SH3YL1: variants seen among roughly 807,000 people sequenced by gnomAD.
SH3YL1 encodes the protein SH3 and SYLF domain containing 1.
Under a neutral mutation model 45.8 loss-of-function variants are expected in SH3YL1, and 41 were observed. The ratio of observed to expected loss-of-function variants is 0.89; its 90% CI spans 0.70 to 1.16. SH3YL1 has a LOEUF of 1.16. Ranked by LOEUF, SH3YL1 falls within the 50% of genes most tolerant of loss-of-function variation. SH3YL1 has a pLI of 0.00. For synonymous variants in SH3YL1, 152 were observed against 151.4 expected (o/e 1.00, Z -0.03); for missense variants, 389 against 409.6 (o/e 0.95, Z 0.43).
chr2:224,011 T>C (rs577764081), intron 9 of SH3YL1, among the ~76,000 whole-genome samples: 10 of 152,370 alleles, frequency 6.6e-5, no homozygotes, highest in South Asian at 4.1e-4. Flanking sequence ...CTGCATGATA[T>C]AAATTTTTAA....
In SH3YL1 at chr2:234,044, T is replaced by C. The variant is rs369896468; in HGVS notation, c.404+116A>G. On this transcript the variant is annotated intron_variant, in intron 5 of 9. Coordinates refer to ENST00000356150, the MANE Select transcript of SH3YL1 (RefSeq NM_015677.4). ...GTGATGACCTCAAATCTTTCGGGCA[T>C]GTATAAATCTGGGGATGTACAAATC... is the stretch of plus-strand genomic sequence containing the variant. The C allele has an allele frequency of 1.5e-4, 110 of 730,982 alleles. No homozygotes were observed. The African/African-American group carries it at 1.8e-3, about 12-fold the overall frequency. 45.3% of individuals were successfully genotyped at this position (730,982 alleles called of 1,614,324 possible).
upstream of SH3YL1, chr2:264,097 C>G: frequency 2.3e-6 from 3 of 1,323,490 alleles, no homozygotes; most frequent in Middle Eastern, 2.8e-4. Flanking sequence ...CGGCAGGTGA[C>G]GAAGGAGGCG....
At chr2:263,562 ACCTCG>A (rs1328252255) in intron 1 of SH3YL1, 1 of 171,118 alleles carries the variant, frequency 5.8e-6, no homozygotes, top group African/African-American at 2.4e-5. Flanking sequence ...GCAAACTCGA[ACCTCG>A]CCGGCGCCCT....
At chr2:256,460 G>C (rs1669335718) in intron 1 of SH3YL1, 1 of 152,232 alleles carries the variant, frequency 6.6e-6, no homozygotes, top group African/African-American at 2.4e-5. Context: ...GGGAGGCCGA[G>C]GTGGGGGGAT....
At chr2:232,984 A>G (rs1668115561) in intron 6 of SH3YL1, 117 bp downstream of exon 6, 1 of 828,036 alleles carries the variant, frequency 1.2e-6, no homozygotes, top group South Asian at 4.4e-5. Context: ...TAAGATACAC[A>G]CTTAAAACCA....
intron 4 of SH3YL1, chr2:239,977 C>G (rs1004122045): frequency 3.3e-5 from 5 of 152,246 alleles, no homozygotes; most frequent in Admixed American, 3.3e-4. Flanking sequence ...TGCAAGAACA[C>G]AGACTTCCTT....
Position 264,014 on chromosome 2 carries a change from C to T in SH3YL1, c.-30G>A, listed in dbSNP as rs139233215. ...CCCGCCCGGCCGCGGCGCCCCGTCC[C>T]GAGGCTGCCCAGGAAGAGGAAGGCG... is the stretch of plus-strand genomic sequence containing the variant. On this transcript the variant is annotated 5_prime_UTR_variant, in exon 1 of 10. Transcript: ENST00000356150. 7.0e-7 allele frequency: 1 copy of T among 1,434,906 alleles called. No homozygotes were observed. Among genetic ancestry groups the T allele is most frequent in the Non-Finnish European group, 9.2e-7 (1 of 1,087,926 alleles). The allele number at this position is 1,434,906 out of a possible 1,614,324, so 88.9% of individuals were successfully genotyped here.
chr2:225,920 A>G (rs1667768472), intron 8 of SH3YL1, among the ~76,000 whole-genome samples: 1 of 152,226 alleles, frequency 6.6e-6, no homozygotes, highest in African/African-American at 2.4e-5. Context: ...ATTATATCTC[A>G]AAGTAATAAA....
At chr2:227,863 G>T (rs1334036336) in intron 8 of SH3YL1, among the ~76,000 whole-genome samples, 1 of 149,864 alleles carries the variant, frequency 6.7e-6, no homozygotes, top group Admixed American at 6.7e-5. Flanking sequence ...CCCTCCATAT[G>T]AGCATACGTG....
chr2:229,077 T>C (rs1356458341), intron 8 of SH3YL1, among the ~76,000 whole-genome samples: 2 of 152,210 alleles, frequency 1.3e-5, no homozygotes, highest in African/African-American at 2.4e-5. Context: ...GACTCTTGTA[T>C]AACAGTCAAT....
chr2:243,571 A>AG, intron 4 of SH3YL1: 3 of 1,526,070 alleles, frequency 2.0e-6, no homozygotes, highest in Non-Finnish European at 2.6e-6. Flanking sequence ...GTCTATTAAA[A>AG]AAAAAACAGA....
chr2:264,215 T>G, upstream of SH3YL1: 1 of 522,930 alleles, frequency 1.9e-6, no homozygotes, highest in South Asian at 3.5e-5. Context: ...GTCCTCAAGA[T>G]CGAAAAGCCC....
chr2:223,309 CT>C (rs1406226535), intron 9 of SH3YL1, among the ~76,000 whole-genome samples: 1 of 152,150 alleles, frequency 6.6e-6, no homozygotes, highest in Non-Finnish European at 1.5e-5. Context: ...GAGAAAGGAA[CT>C]CTAGTTCCCA....
intron 2 of SH3YL1, among the ~76,000 whole-genome samples, chr2:252,116 C>T (rs1669095204): frequency 6.6e-6 from 1 of 152,216 alleles, no homozygotes; most frequent in Non-Finnish European, 1.5e-5. Flanking sequence ...ACATGAGAAA[C>T]ATGTTTAAAA....
At position 221,448 on chromosome 2, in the gene SH3YL1, A is replaced by C. The variant is rs1667570281; in HGVS notation, c.839-2447T>G. ...TATTATGAACTAAGAAAGAGAAAGA[A>C]GGCGAGATCACACACCTGGTTTGGT... On this transcript the variant is annotated intron_variant, in intron 9 of 9. Coordinates refer to ENST00000356150, the MANE Select transcript of SH3YL1 (RefSeq NM_015677.4). Among the ~76,000 whole-genome samples, 3 of 152,198 alleles carry C rather than the reference A, an allele frequency of 2.0e-5. 1 individual carries two copies. Among genetic ancestry groups the C allele is most frequent in the Admixed American group, 6.5e-5 (1 of 15,286 alleles).
At chr2:255,085 C>T (rs1669256954) in intron 1 of SH3YL1, among the ~76,000 whole-genome samples, 1 of 152,174 alleles carries the variant, frequency 6.6e-6, no homozygotes, top group Non-Finnish European at 1.5e-5. Context: ...TCATCAGGAC[C>T]TCCTGAGGCT....
rs1321601599 is a variant in SH3YL1, at chr2:219,648, G to A, written c.839-647C>T. 2.6e-5 allele frequency among the ~76,000 whole-genome samples: 4 copies of A among 152,318 alleles called. No individual in the cohort carries two copies. In the South Asian group the frequency reaches 6.2e-4, roughly 24 times the overall value. ...AGCAGCTGGAAGGGGCCAAGATAGTGTGACAGTTTCATGGATGGCAGATGC... is the reference window on the plus strand; with the variant it reads ...AGCAGCTGGAAGGGGCCAAGATAGTATGACAGTTTCATGGATGGCAGATGC... On this transcript the variant is annotated intron_variant, in intron 9 of 9. Transcript: ENST00000356150.
intron 5 of SH3YL1, among the ~76,000 whole-genome samples, 166 bp downstream of exon 5, chr2:233,994 G>C (rs1381197923): frequency 6.6e-6 from 1 of 152,118 alleles, no homozygotes; most frequent in African/African-American, 2.4e-5. Context: ...TATCTCACTG[G>C]CTGTGTTTTG....
chr2:223,704 C>T (rs1185459142), intron 9 of SH3YL1, among the ~76,000 whole-genome samples: 1 of 152,152 alleles, frequency 6.6e-6, no homozygotes, highest in Non-Finnish European at 1.5e-5. Context: ...TGGGTGTGAA[C>T]CACAAAGGGT....
Sources: allele counts gnomAD v4.1 joint callset (sites outside exome capture counted in the v4.1 genomes callset), GRCh38; gene constraint gnomAD v4.1.1; transcripts MANE v1.5; gene names NCBI Gene and HGNC (gene_info 2026-07-23, HGNC 2026-07-21).